The following KDM4B variants were observed in gnomAD, a reference collection of about 807,000 sequenced individuals.
KDM4B encodes the protein lysine demethylase 4B, also known as lysine-specific demethylase 4B.
Under a neutral mutation model 125.2 loss-of-function variants are expected in KDM4B, and 32 were observed. The ratio of observed to expected loss-of-function variants is 0.26; its 90% CI spans 0.19 to 0.34. The LOEUF is 0.34. Ranked by LOEUF, KDM4B falls within the 10% of genes least tolerant of loss-of-function variation. The probability of loss-of-function intolerance (pLI) is 1.00; values close to 1 mark genes in which losing one functional copy is unlikely to be tolerated. For missense variants in KDM4B, 1,190 were observed against 1,577.7 expected (o/e 0.75, Z 4.16); for synonymous variants, 721 against 677.9 (o/e 1.06, Z -0.99).
intron 1 of KDM4B, among the ~76,000 whole-genome samples, chr19:4,970,617 T>C (rs1314351996): frequency 6.6e-6 from 1 of 152,214 alleles, no homozygotes; most frequent in Non-Finnish European, 1.5e-5. Context: ...AGACGACTCC[T>C]ATGGGCTTTT....
chr19:5,044,567 G>A (rs911083484), intron 5 of KDM4B, among the ~76,000 whole-genome samples: 1 of 152,176 alleles, frequency 6.6e-6, no homozygotes, highest in African/African-American at 2.4e-5. Context: ...CTTTGTCTTT[G>A]AGACAGAGTC....
chr19:5,032,748 G>A (rs549081191), intron 2 of KDM4B, 118 bp from the exon 3 acceptor site: 10 of 923,838 alleles, frequency 1.1e-5, no homozygotes, highest in Middle Eastern at 3.6e-4. Flanking sequence ...GGGCCCAGCC[G>A]CCTTTGTCCT....
intron 1 of KDM4B, among the ~76,000 whole-genome samples, chr19:5,015,632 T>C (rs1371673969): frequency 1.3e-5 from 2 of 152,164 alleles, no homozygotes; most frequent in East Asian, 3.9e-4. Flanking sequence ...GGAGGATCAC[T>C]TGAGGCCAGG....
At chr19:5,036,511 C>T (rs940278328) in intron 3 of KDM4B, among the ~76,000 whole-genome samples, 2 of 152,218 alleles carry the variant, frequency 1.3e-5, no homozygotes, top group Admixed American at 6.5e-5. Flanking sequence ...GGGGTGGGAA[C>T]TTCCAGTGCC....
intron 1 of KDM4B, among the ~76,000 whole-genome samples, chr19:4,988,752 C>T (rs903414450): frequency 3.9e-5 from 6 of 152,186 alleles, no homozygotes; most frequent in African/African-American, 1.4e-4. Flanking sequence ...CGGGCTGTGA[C>T]GTCTCCAGGA....
rs994416480 is a variant in KDM4B at position 4,971,499 on chromosome 19, G to A, written c.-109+2269G>A. 2.6e-5 allele frequency among the ~76,000 whole-genome samples: 4 copies of A among 152,168 alleles called. No individual in the cohort carries two copies. Among genetic ancestry groups the A allele is most frequent in the Non-Finnish European group, 4.4e-5 (3 of 68,038 alleles). On this transcript the variant is annotated intron_variant, in intron 1 of 22. Coordinates refer to ENST00000159111, the MANE Select transcript of KDM4B (RefSeq NM_015015.3). This position sits in a 1 kb window ranked among gnomAD's most constrained non-coding sequence, Gnocchi z 4.1. ...GCCGGGGAGGAGCCTCAGCTCTGGG[G>A]AAGCCATCTGTCCTCGGTTCCATCT...
intron 1 of KDM4B, among the ~76,000 whole-genome samples, chr19:5,009,351 C>T (rs1248314541): frequency 6.6e-6 from 1 of 152,166 alleles, no homozygotes. Flanking sequence ...TGACAAATGT[C>T]AGCTTTTCAG....
chr19:5,033,510 T>C (rs984249202), intron 3 of KDM4B, among the ~76,000 whole-genome samples: 10 of 151,706 alleles, frequency 6.6e-5, no homozygotes, highest in African/African-American at 2.4e-4. Flanking sequence ...AGCCCAGGAA[T>C]TAGAGGCTGC....
chr19:5,066,630 G>A (rs1449405369), intron 6 of KDM4B, among the ~76,000 whole-genome samples: 2 of 152,214 alleles, frequency 1.3e-5, no homozygotes, highest in Non-Finnish European at 2.9e-5. Context: ...AAGGGTGTCC[G>A]ATGCCTGGGT....
chr19:5,119,344 C>T (rs982513599), intron 10 of KDM4B: 116 of 699,290 alleles, frequency 1.7e-4, no homozygotes, highest in Non-Finnish European at 2.5e-4. Context: ...CCGTCCCGCC[C>T]GTCATCCCAC....
Position 5,137,632 on chromosome 19 carries a change from G to A in KDM4B, c.2397G>A (p.Leu799=), listed in dbSNP as rs763047218. The change falls in exon 17 of 23, where the codon CTG becomes CTA. Residue 799 remains leucine (L), a synonymous_variant. Transcript: ENST00000159111. ...AAHAWTAECC[L]CNLRGGALQM... ...TCTGGTCTCCACAGGAGTGCTGCCT[G>A]TGCAACCTGCGAGGAGGTGCGCTGC... The A allele has an allele frequency of 1.2e-6, 2 of 1,604,076 alleles. No homozygotes were observed. The highest frequency in any genetic ancestry group is 1.7e-5 in the Admixed American group (1 of 59,572).
intron 1 of KDM4B, among the ~76,000 whole-genome samples, chr19:4,982,714 G>T (rs2034688342): frequency 6.6e-6 from 1 of 151,898 alleles, no homozygotes; most frequent in South Asian, 2.1e-4. Flanking sequence ...CCGGGTTCAA[G>T]CGATTCTCCT....
intron 11 of KDM4B, among the ~76,000 whole-genome samples, chr19:5,126,317 A>G (rs2146038847): frequency 1.3e-5 from 2 of 152,168 alleles, no homozygotes; most frequent in South Asian, 2.1e-4. Flanking sequence ...GCCCAGCGCT[A>G]GGAGGGACTA....
rs761828045 is a variant in KDM4B, at chr19:5,144,343, G to T, written c.2832G>T (p.Ser944=). The T allele has an allele frequency of 2.6e-6, 4 of 1,556,326 alleles. No individual in the cohort carries two copies. The highest frequency in any genetic ancestry group is 3.5e-6 in the Non-Finnish European group (4 of 1,153,186). The stretch of plus-strand genomic sequence containing the variant: ...GCTGTCGCGTCATCGGTGCCGCCTC[G>T]CAGACCTGCTACGAAGTGAACTTCG... ...YYRCRVIGAA[S]QTCYEVNFDD... is the part of the protein sequence containing the mutation. The change falls in exon 20 of 23, where the codon TCG becomes TCT. Residue 944 remains serine, a synonymous_variant. Transcript: ENST00000159111.
rs945987612 is a variant in KDM4B, at chr19:5,127,854, C to T, written c.1316-3222C>T. ...CCAGGGCCTGGGGCGGTCACACCAG[C>T]CGCCCCTCAGCTCCCAGGAGGCCCC... On this transcript the variant is annotated intron_variant, in intron 11 of 22. Transcript: ENST00000159111. Among the ~76,000 whole-genome samples the T allele has an allele frequency of 4.1e-4, 62 of 152,324 alleles. 1 individual carries two copies. Among genetic ancestry groups the T allele is most frequent in the African/African-American group, 1.4e-3 (60 of 41,580 alleles).
chr19:5,012,271 G>A (rs2035752684), intron 1 of KDM4B, among the ~76,000 whole-genome samples: 1 of 152,216 alleles, frequency 6.6e-6, no homozygotes, highest in South Asian at 2.1e-4. Context: ...ATTTGGGCAA[G>A]TGGTAGTGAG....
intron 13 of KDM4B, among the ~76,000 whole-genome samples, chr19:5,132,608 G>C (rs940538882): frequency 6.6e-6 from 1 of 152,104 alleles, no homozygotes; most frequent in South Asian, 2.1e-4. Context: ...TGGAGGAATC[G>C]GCACGGGGAC....
intron 10 of KDM4B, among the ~76,000 whole-genome samples, chr19:5,113,626 G>A (rs1401516050): frequency 7.2e-5 from 11 of 152,162 alleles, no homozygotes; most frequent in Admixed American, 4.6e-4. Flanking sequence ...GGACACAGGC[G>A]GGATCCTTCT....
intron 6 of KDM4B, among the ~76,000 whole-genome samples, chr19:5,067,464 G>A (rs1246904381): frequency 2.0e-5 from 3 of 152,210 alleles, no homozygotes; most frequent in East Asian, 1.9e-4. Context: ...TCCTGGGGAC[G>A]TGCTCTGAAG....
Sources: allele counts gnomAD v4.1 joint callset (sites outside exome capture counted in the v4.1 genomes callset), GRCh38; gene constraint gnomAD v4.1.1; non-coding constraint Gnocchi (gnomAD v3.1); transcripts MANE v1.5; gene names NCBI Gene and HGNC (gene_info 2026-07-23, HGNC 2026-07-21).